NFIB: variants seen among roughly 807,000 people sequenced by gnomAD.
NFIB encodes the protein nuclear factor 1 B-type.
NFIB carries 11 observed loss-of-function variants against 61.5 expected under a neutral mutation model. The observed-to-expected ratio is 0.18, with a 90% CI of 0.11 to 0.30. NFIB has a LOEUF of 0.30. Among genes scored for constraint, NFIB ranks in the 10% least tolerant of loss-of-function variants. The pLI, the probability that NFIB is intolerant of heterozygous loss-of-function variation, is 1.00. For synonymous variants in NFIB, 260 were observed against 216.5 expected, an observed-to-expected ratio of 1.20 and a Z score of -1.76; for missense variants, 471 against 608.9, an observed-to-expected ratio of 0.77 and a Z score of 2.38.
intron 1 of NFIB, among the ~76,000 whole-genome samples, chr9:14,385,099 C>G (rs1220849342): frequency 6.6e-6 from 1 of 152,194 alleles, no homozygotes; most frequent in Non-Finnish European, 1.5e-5. Flanking sequence ...AGCTAACAAT[C>G]CTCAGGGCTC....
At chr9:14,316,205 A>C (rs181856691), upstream of NFIB, among the ~76,000 whole-genome samples, 2 of 152,240 alleles carry the variant, frequency 1.3e-5, no homozygotes, top group Non-Finnish European at 2.9e-5. Flanking sequence ...TGAAATGGTC[A>C]CTTTTTAACC....
At chr9:14,256,928 T>C (rs1485505872) in intron 2 of NFIB, among the ~76,000 whole-genome samples, 1 of 152,212 alleles carries the variant, frequency 6.6e-6, no homozygotes, top group Non-Finnish European at 1.5e-5. Context: ...ACCCCAGTTC[T>C]GATGAGATTA....
chr9:14,502,349 T>C, the NFIB span, among the ~76,000 whole-genome samples: 2 of 152,300 alleles, frequency 1.3e-5, no homozygotes, highest in Non-Finnish European at 1.5e-5. Context: ...GATTTCAGAA[T>C]TGCAGATAAG....
intron 1 of NFIB, among the ~76,000 whole-genome samples, chr9:14,347,883 C>T (rs1473341491): frequency 6.6e-6 from 1 of 152,098 alleles, no homozygotes; most frequent in Admixed American, 6.5e-5. Flanking sequence ...CCAGCAAGGG[C>T]CGAGCGCGCG....
chr9:14,281,526 C>A (rs1001726346), intron 2 of NFIB, among the ~76,000 whole-genome samples: 2 of 152,186 alleles, frequency 1.3e-5, no homozygotes, highest in Admixed American at 6.5e-5. Context: ...CTACTGGCTG[C>A]ACTATATCCA....
At chr9:14,243,631 A>T (rs993498045) in intron 2 of NFIB, among the ~76,000 whole-genome samples, 1 of 152,204 alleles carries the variant, frequency 6.6e-6, no homozygotes, top group African/African-American at 2.4e-5. Flanking sequence ...GTACAAAAAC[A>T]AAAACCTGTG....
chr9:14,422,796 C>T, the NFIB span, among the ~76,000 whole-genome samples: 1 of 152,116 alleles, frequency 6.6e-6, no homozygotes, highest in Admixed American at 6.5e-5. Flanking sequence ...TGTTCCCAGC[C>T]CTGCCAGCCA....
chr9:14,460,686 A>G, the NFIB span, among the ~76,000 whole-genome samples: 9 of 152,228 alleles, frequency 5.9e-5, no homozygotes, highest in African/African-American at 1.7e-4. Context: ...TAAATAAATT[A>G]GTATGCAGAT....
intron 2 of NFIB, among the ~76,000 whole-genome samples, chr9:14,244,855 A>G (rs904262683): frequency 1.3e-5 from 2 of 152,174 alleles, no homozygotes; most frequent in African/African-American, 4.8e-5. Context: ...CTTTCATGAT[A>G]AAAGTCTCTG....
At chr9:14,338,570 A>C (rs2060912685) in intron 1 of NFIB, among the ~76,000 whole-genome samples, 1 of 152,218 alleles carries the variant, frequency 6.6e-6, no homozygotes. Flanking sequence ...GTGAAGGCTA[A>C]TAATGAATAC....
intron 2 of NFIB, among the ~76,000 whole-genome samples, chr9:14,220,342 A>T (rs1284399992): frequency 6.6e-6 from 1 of 152,228 alleles, no homozygotes; most frequent in East Asian, 1.9e-4. Context: ...ATCTGAAGCT[A>T]TTTTAAAGCC....
the NFIB span, among the ~76,000 whole-genome samples, chr9:14,456,072 T>C: frequency 2.0e-5 from 3 of 152,184 alleles, no homozygotes; most frequent in Non-Finnish European, 2.9e-5. Flanking sequence ...AAATTCCAAA[T>C]GGATCAAAGC....
chr9:14,342,659 CAT>C (rs745642980), intron 1 of NFIB, among the ~76,000 whole-genome samples: 7 of 152,296 alleles, frequency 4.6e-5, no homozygotes, highest in African/African-American at 7.2e-5. Context: ...GCGGGCTACA[CAT>C]AGTCACCTAG....
chr9:14,324,170 T>C (rs1020958020), intron 1 of NFIB, among the ~76,000 whole-genome samples: 12 of 152,194 alleles, frequency 7.9e-5, no homozygotes, highest in African/African-American at 2.7e-4. Context: ...TTAGCGAGTA[T>C]AGCTATAACT....
chr9:14,322,623 G>A (rs981955120), intron 1 of NFIB, among the ~76,000 whole-genome samples: 8 of 152,166 alleles, frequency 5.3e-5, no homozygotes, highest in Admixed American at 3.9e-4. Context: ...CGCGGGAAGC[G>A]CGGCTCTTCG....
intron 2 of NFIB, among the ~76,000 whole-genome samples, chr9:14,233,418 ATTC>A (rs2053409337): frequency 7.5e-6 from 1 of 134,226 alleles, no homozygotes; most frequent in Non-Finnish European, 1.6e-5. Context: ...TTTTGCTATT[ATTC>A]TTTTTTTTTT....
chr9:14,462,153 T>A, the NFIB span, among the ~76,000 whole-genome samples: 3 of 152,368 alleles, frequency 2.0e-5, no homozygotes, highest in East Asian at 5.8e-4. Context: ...GTTAAATTAG[T>A]CAAAACATTT....
chr9:14,194,971 T>C (rs916877839), intron 2 of NFIB, among the ~76,000 whole-genome samples: 3 of 151,460 alleles, frequency 2.0e-5, no homozygotes, highest in African/African-American at 7.3e-5. Context: ...CTCTCTCTCT[T>C]TCACAAAAGA....
chr9:14,291,515 G>C (rs1008496793), intron 2 of NFIB, among the ~76,000 whole-genome samples: 6 of 152,020 alleles, frequency 3.9e-5, no homozygotes, highest in Non-Finnish European at 8.8e-5. Context: ...TTCATTGAAA[G>C]TTGCTTTTTG....
Sources: allele counts gnomAD v4.1 joint callset (sites outside exome capture counted in the v4.1 genomes callset), GRCh38; gene constraint gnomAD v4.1.1; transcripts MANE v1.5; gene names NCBI Gene and HGNC (gene_info 2026-07-23, HGNC 2026-07-21).